The following PAG1 variants were observed in gnomAD, a reference collection of about 807,000 sequenced individuals.
The protein encoded by PAG1 is phosphoprotein membrane anchor with glycosphingolipid microdomains 1.
In PAG1, 23 loss-of-function variants were observed where a neutral mutation model predicts 31.7. That is an observed-to-expected ratio of 0.73 (90% CI 0.52 to 1.03). The LOEUF (loss-of-function observed/expected upper bound fraction) is 1.03. Among genes scored for constraint, PAG1 ranks in the 50% least tolerant of loss-of-function variants. The probability of loss-of-function intolerance (pLI) is 0.00; values close to 1 mark genes in which losing one functional copy is unlikely to be tolerated. For synonymous variants in PAG1, 214 were observed against 210.3 expected (o/e 1.02, Z -0.15); for missense variants, 473 against 540.7 (o/e 0.87, Z 1.24).
At chr8:81,050,559 G>A (rs1808711695) in intron 2 of PAG1, among the ~76,000 whole-genome samples, 1 of 152,050 alleles carries the variant, frequency 6.6e-6, no homozygotes, top group Non-Finnish European at 1.5e-5. Flanking sequence ...ACATGGGAGA[G>A]ACCAAAGCTT....
chr8:81,086,235 C>T (rs1347993129), intron 1 of PAG1, among the ~76,000 whole-genome samples: 4 of 151,938 alleles, frequency 2.6e-5, no homozygotes, highest in African/African-American at 7.3e-5. Context: ...CCCGCCTCGG[C>T]CTCCCAAAGT....
At chr8:81,027,774 G>A (rs1178011945) in intron 3 of PAG1, among the ~76,000 whole-genome samples, 2 of 151,970 alleles carry the variant, frequency 1.3e-5, no homozygotes, top group East Asian at 1.9e-4. Flanking sequence ...GCGTGGTGGC[G>A]GATGCCTGTA....
Position 81,011,407 on chromosome 8 carries a change from T to A in PAG1, c.-80-18100A>T, listed in dbSNP as rs939494868. 3.9e-5 allele frequency among the ~76,000 whole-genome samples: 6 copies of A among 152,232 alleles called. 1 individual carries two copies. The South Asian group carries it at 1.2e-3, about 32-fold the overall frequency. On this transcript the variant is annotated intron_variant, in intron 3 of 8. Coordinates refer to ENST00000220597, the MANE Select transcript of PAG1 (RefSeq NM_018440.4). ...CTCCTTTTGTTTGGTTCTCATTTTC[T>A]CTTGCCTGCCGCCATGTAAGACATA... is the stretch of plus-strand genomic sequence containing the variant.
intron 6 of PAG1, among the ~76,000 whole-genome samples, chr8:80,986,787 G>A (rs780628228): frequency 6.9e-6 from 1 of 145,798 alleles, no homozygotes; most frequent in African/African-American, 2.5e-5. Flanking sequence ...TAATCACAAG[G>A]GTCCCTATAA....
intron 1 of PAG1, among the ~76,000 whole-genome samples, chr8:81,107,738 G>A (rs1426619675): frequency 6.6e-6 from 1 of 152,210 alleles, no homozygotes; most frequent in African/African-American, 2.4e-5. Flanking sequence ...ATTATGTACA[G>A]AGCTGTTTTC....
In PAG1 at chr8:80,976,546, A is replaced by G; in HGVS notation, c.1297T>C (p.Ter433GlnextTer61). 6.2e-7 allele frequency: 1 copy of G among 1,608,522 alleles called. No individual in the cohort carries two copies. The highest frequency in any genetic ancestry group is 8.5e-7 in the Non-Finnish European group (1 of 1,177,932). ...LQQGRDITRL[*>Q] is the part of the protein sequence containing the mutation. ...ACCCAGGGTTGTCTTCTGGGTTGCT[A>G]GAGCCTGGTAATATCTCTGCCTTGC... is the stretch of plus-strand genomic sequence containing the variant. Residue 433 changes from the stop codon to glutamine, a stop_lost, in exon 9 of 9, where the codon TAG becomes CAG. Transcript: ENST00000220597.
At position 80,972,177 on chromosome 8, in the gene PAG1, A is replaced by G. The variant is rs539560456; in HGVS notation, c.*4367T>C. ...ATACTTTAACTTTTCCCCATTACACAGTACAATAAGCCTGTCAAGATTTCC... is the reference window on the plus strand; with the variant it reads ...ATACTTTAACTTTTCCCCATTACACGGTACAATAAGCCTGTCAAGATTTCC... On this transcript the variant is annotated 3_prime_UTR_variant, in exon 9 of 9. Coordinates refer to ENST00000220597, the MANE Select transcript of PAG1 (RefSeq NM_018440.4). The G allele has an allele frequency of 1.3e-5, 2 of 152,342 alleles. No individual in the cohort carries two copies. The highest frequency in any genetic ancestry group is 3.9e-4 in the East Asian group (2 of 5,192). The allele number at this position is 152,342 out of a possible 1,614,324, so 9.4% of individuals were successfully genotyped here.
At chr8:81,000,840 G>A (rs1563624313) in intron 3 of PAG1, among the ~76,000 whole-genome samples, 1 of 152,126 alleles carries the variant, frequency 6.6e-6, no homozygotes, top group Non-Finnish European at 1.5e-5. Context: ...TCACAGCACC[G>A]TAATATCAGT....
At chr8:81,057,274 T>C (rs976205830) in intron 2 of PAG1, among the ~76,000 whole-genome samples, 3 of 152,178 alleles carry the variant, frequency 2.0e-5, no homozygotes, top group Admixed American at 6.5e-5. Context: ...TGCACACGTA[T>C]GTTCATTGTG....
intron 3 of PAG1, among the ~76,000 whole-genome samples, chr8:80,999,589 A>T (rs1381611335): frequency 6.6e-6 from 1 of 152,122 alleles, no homozygotes; most frequent in Non-Finnish European, 1.5e-5. Context: ...CAAGTTATAA[A>T]TCCTCATGGC....
chr8:81,047,602 A>G (rs750571263), intron 2 of PAG1, among the ~76,000 whole-genome samples: 1 of 152,234 alleles, frequency 6.6e-6, no homozygotes, highest in African/African-American at 2.4e-5. Flanking sequence ...TGACCTGGTA[A>G]GCAGGATTCC....
At chr8:81,071,872 C>A (rs1809099495) in intron 1 of PAG1, among the ~76,000 whole-genome samples, 1 of 152,204 alleles carries the variant, frequency 6.6e-6, no homozygotes, top group South Asian at 2.1e-4. Flanking sequence ...GCCCTTGTGA[C>A]AAAACCCAAG....
intron 3 of PAG1, among the ~76,000 whole-genome samples, chr8:81,002,559 A>G (rs1281679629): frequency 1.3e-5 from 2 of 152,210 alleles, no homozygotes; most frequent in Non-Finnish European, 2.9e-5. Context: ...GTTCACTGTG[A>G]GCTAGTGCCA....
At chr8:81,085,880 G>A (rs1809342954) in intron 1 of PAG1, among the ~76,000 whole-genome samples, 2 of 150,606 alleles carry the variant, frequency 1.3e-5, no homozygotes, top group Admixed American at 1.3e-4. Flanking sequence ...GTTATAGCAT[G>A]CATTTTGGTC....
chr8:81,008,858 G>A (rs114957058), intron 3 of PAG1, among the ~76,000 whole-genome samples: 1 of 151,998 alleles, frequency 6.6e-6, no homozygotes, highest in Non-Finnish European at 1.5e-5. Flanking sequence ...TGTCATAAAA[G>A]TAGCTTTTAT....
intron 3 of PAG1, among the ~76,000 whole-genome samples, chr8:80,999,962 G>GT (rs1280126294): frequency 6.6e-6 from 1 of 152,132 alleles, no homozygotes; most frequent in Non-Finnish European, 1.5e-5. Context: ...CTAGAAGTAC[G>GT]TATCACATGC....
In PAG1 at chr8:80,976,833, G is replaced by A. The variant is rs543795280; in HGVS notation, c.1010C>T (p.Pro337Leu). 7.2e-5 allele frequency: 116 copies of A among 1,613,782 alleles called. No homozygotes were observed. In the South Asian group the frequency reaches 9.9e-4, roughly 14 times the overall value. ...VNKSGQSLTV[P>L]ESTYTSIQGD... Reference sequence around the variant, plus strand: ...TTGAATGGAGGTGTAGGTGGACTCCGGAACTGTAAGCGACTGCCCCGATTT... The same window carrying A: ...TTGAATGGAGGTGTAGGTGGACTCCAGAACTGTAAGCGACTGCCCCGATTT... Residue 337 changes from proline to leucine, a missense_variant, in exon 9 of 9, where the codon CCG becomes CTG. Physicochemically the swap from Pro to Leu is moderately conservative, Grantham distance 98. Coordinates refer to ENST00000220597, the MANE Select transcript of PAG1 (RefSeq NM_018440.4).
chr8:81,081,685 C>A (rs1809268827), intron 1 of PAG1, among the ~76,000 whole-genome samples: 1 of 151,494 alleles, frequency 6.6e-6, no homozygotes. Flanking sequence ...TTACATGTAG[C>A]CATTTGGGAT....
chr8:81,056,067 C>T (rs1259391879), intron 2 of PAG1, among the ~76,000 whole-genome samples: 1 of 152,116 alleles, frequency 6.6e-6, no homozygotes, highest in Non-Finnish European at 1.5e-5. Context: ...TAGTTTTTGC[C>T]CATTCAGTAT....
Sources: gnomAD v4.1 joint callset for allele counts (sites outside exome capture counted in the v4.1 genomes callset) on GRCh38, gnomAD v4.1.1 for gene constraint, MANE v1.5 for transcripts, NCBI Gene and HGNC (gene_info 2026-07-23, HGNC 2026-07-21) for gene names.